WDR7: variants seen among roughly 807,000 people sequenced by gnomAD.
WDR7 encodes WD repeat domain 7.
A neutral mutation model predicts 169.4 loss-of-function variants in WDR7; 46 were observed. The ratio of observed to expected loss-of-function variants is 0.27; its 90% CI spans 0.21 to 0.35. The LOEUF is 0.35. Among genes scored for constraint, WDR7 ranks in the 10% least tolerant of loss-of-function variants. The pLI is 1.00. For missense variants in WDR7, 1,534 were observed against 1,859.3 expected (o/e 0.83, Z 3.22); for synonymous variants, 612 against 666.8 (o/e 0.92, Z 1.27).
chr18:56,912,745 T>C (rs145147221), intron 21 of WDR7, among the ~76,000 whole-genome samples: 240 of 152,306 alleles, frequency 1.6e-3, no homozygotes, highest in African/African-American at 5.4e-3. Context: ...ACCCACCTCA[T>C]TGGCCACTTG....
At chr18:56,985,401 A>G (rs2047699237) in intron 26 of WDR7, among the ~76,000 whole-genome samples, 1 of 152,204 alleles carries the variant, frequency 6.6e-6, no homozygotes, top group Non-Finnish European at 1.5e-5. Flanking sequence ...TTTAAAATAT[A>G]TCACAAGGAT....
At chr18:56,753,947 C>G (rs940523871) in intron 14 of WDR7, among the ~76,000 whole-genome samples, 5 of 151,686 alleles carry the variant, frequency 3.3e-5, no homozygotes, top group East Asian at 3.9e-4. Context: ...TGATTATATA[C>G]AATCTAAGAA....
At chr18:56,884,926 A>G (rs1467947525) in intron 21 of WDR7, among the ~76,000 whole-genome samples, 2 of 152,360 alleles carry the variant, frequency 1.3e-5, no homozygotes, top group East Asian at 1.9e-4. Context: ...GGGTGCTGGT[A>G]TCCATGGCTG....
intron 25 of WDR7, among the ~76,000 whole-genome samples, chr18:56,956,943 T>C (rs1787455): frequency 0.053 from 7,998 of 152,234 alleles, 328 homozygotes; most frequent in African/African-American, 0.12. Context: ...TAATACCAAG[T>C]AGGAACATTC....
At chr18:56,700,087 G>T (rs1453597484) in intron 12 of WDR7, among the ~76,000 whole-genome samples, 1 of 151,780 alleles carries the variant, frequency 6.6e-6, no homozygotes, top group Non-Finnish European at 1.5e-5. Context: ...TCTTTTGTTA[G>T]TGGGACTTTT....
At chr18:56,731,282 C>A in intron 13 of WDR7, 101 bp from the exon 14 acceptor site, 1 of 1,363,130 alleles carries the variant, frequency 7.3e-7, no homozygotes. Flanking sequence ...ATTGATAAAA[C>A]ATGTTTCTAC....
chr18:57,031,724 A>G (rs1002099898), downstream of WDR7: 1 of 152,248 alleles, frequency 6.6e-6, no homozygotes, highest in African/African-American at 2.4e-5. Flanking sequence ...CCTCCTCAAT[A>G]TTCTGAGATT....
At chr18:56,980,604 C>G (rs1172762796) in intron 26 of WDR7, among the ~76,000 whole-genome samples, 3 of 152,134 alleles carry the variant, frequency 2.0e-5, no homozygotes, top group African/African-American at 7.2e-5. Context: ...GCGATAAATA[C>G]TATGAAGAAA....
intron 14 of WDR7, among the ~76,000 whole-genome samples, chr18:56,745,196 A>G (rs2043683699): frequency 6.6e-6 from 1 of 152,242 alleles, no homozygotes. Flanking sequence ...AAACTAAATG[A>G]TGAACCTAAT....
At chr18:56,952,597 C>T (rs546660371) in intron 25 of WDR7, among the ~76,000 whole-genome samples, 3 of 152,262 alleles carry the variant, frequency 2.0e-5, no homozygotes, top group South Asian at 4.1e-4. Flanking sequence ...AAGTAAATCA[C>T]ATGTTTTAAG....
At chr18:56,699,410 A>G (rs768382063) in intron 12 of WDR7, among the ~76,000 whole-genome samples, 1 of 152,176 alleles carries the variant, frequency 6.6e-6, no homozygotes, top group Non-Finnish European at 1.5e-5. Flanking sequence ...TTTTTGTTTA[A>G]ACGTTTTGAT....
intron 16 of WDR7, among the ~76,000 whole-genome samples, chr18:56,763,895 AATTAT>A (rs1418624422): frequency 5.9e-5 from 9 of 152,034 alleles, no homozygotes; most frequent in Non-Finnish European, 1.0e-4. Context: ...TAGGATTTGA[AATTAT>A]ATTCACTCTT....
intron 7 of WDR7, among the ~76,000 whole-genome samples, chr18:56,690,979 ACTTGT>A (rs150439391): frequency 0.014 from 2,142 of 152,256 alleles, 42 homozygotes; most frequent in African/African-American, 0.049. Context: ...CCCTCGCTCC[ACTTGT>A]CATAGCCTAT....
At chr18:56,850,713 C>T (rs773792744) in intron 20 of WDR7, among the ~76,000 whole-genome samples, 12 of 152,034 alleles carry the variant, frequency 7.9e-5, no homozygotes, top group Non-Finnish European at 1.6e-4. Flanking sequence ...GGGTTTTGCT[C>T]TGTTGCCTAG....
At chr18:56,930,073 C>T (rs146975169) in intron 22 of WDR7, among the ~76,000 whole-genome samples, 39 of 152,254 alleles carry the variant, frequency 2.6e-4, no homozygotes, top group African/African-American at 8.4e-4. Flanking sequence ...CTGAAGGGGC[C>T]GGGCGAGCAT....
At chr18:56,691,859 G>A in intron 9 of WDR7, 42 bp downstream of exon 9, 1 of 1,478,396 alleles carries the variant, frequency 6.8e-7, no homozygotes, top group South Asian at 1.2e-5. Flanking sequence ...AAGTTACATT[G>A]AAAAACTTCT....
chr18:56,937,495 C>A (rs1227063083), intron 23 of WDR7, among the ~76,000 whole-genome samples: 3 of 152,110 alleles, frequency 2.0e-5, no homozygotes, highest in Non-Finnish European at 4.4e-5. Flanking sequence ...TATCTCTGAC[C>A]TCTACCCCGT....
intron 19 of WDR7, among the ~76,000 whole-genome samples, chr18:56,784,852 A>G (rs1177816390): frequency 6.6e-6 from 1 of 150,768 alleles, no homozygotes; most frequent in Non-Finnish European, 1.5e-5. Flanking sequence ...AGTATCCCAG[A>G]GTACTTCATA....
rs115884551 is a variant in WDR7, at chr18:56,912,064, C to A, written c.3527-11858C>A. Among the ~76,000 whole-genome samples the A allele has an allele frequency of 9.7e-3, 1,472 of 152,284 alleles. 30 individuals carry two copies. Among genetic ancestry groups the A allele is most frequent in the African/African-American group, 0.031 (1,295 of 41,560 alleles). The stretch of plus-strand genomic sequence containing the variant: ...AACCCTGGAATCTGTGGCAAGCCCC[C>A]CTTCACGGATGTTTAATGGTGTATG... On this transcript the variant is annotated intron_variant, in intron 21 of 27. Transcript: ENST00000254442.
Sources: allele counts gnomAD v4.1 joint callset (sites outside exome capture counted in the v4.1 genomes callset), GRCh38; gene constraint gnomAD v4.1.1; transcripts MANE v1.5; gene names NCBI Gene and HGNC (gene_info 2026-07-23, HGNC 2026-07-21).